The following XPO1 variants were observed in gnomAD, a reference collection of about 807,000 sequenced individuals.
XPO1 encodes the protein exportin 1.
In XPO1, 5 loss-of-function variants were observed where a neutral mutation model predicts 133.3. That is an observed-to-expected ratio of 0.04 (90% CI 0.02 to 0.08). The LOEUF is 0.08. XPO1 is among the 10% of genes least tolerant of loss of function. The probability of loss-of-function intolerance (pLI) is 1.00; values close to 1 mark genes in which losing one functional copy is unlikely to be tolerated. For synonymous variants in XPO1, 419 were observed against 408.2 expected, an observed-to-expected ratio of 1.03 and a Z score of -0.32; for missense variants, 506 against 1,267.5, an observed-to-expected ratio of 0.40 and a Z score of 9.12.
chr2:61,482,915 G>T, intron 22 of XPO1, 42 bp downstream of exon 22: 6 of 1,610,866 alleles, frequency 3.7e-6, no homozygotes, highest in South Asian at 1.1e-5. Flanking sequence ...GAGGCCCTGT[G>T]CCCAGCTGGC....
intron 4 of XPO1, among the ~76,000 whole-genome samples, chr2:61,522,402 C>T (rs1403276960): frequency 6.6e-6 from 1 of 152,078 alleles, no homozygotes; most frequent in African/African-American, 2.4e-5. Context: ...TTCAACAGTC[C>T]AGTCTCCTCT....
At chr2:61,513,902 C>G (rs759657411) in intron 4 of XPO1, among the ~76,000 whole-genome samples, 1 of 151,998 alleles carries the variant, frequency 6.6e-6, no homozygotes, top group Non-Finnish European at 1.5e-5. Context: ...GCAAAATTGG[C>G]GGGGCATGGT....
chr2:61,496,763 A>G, intron 10 of XPO1, 116 bp downstream of exon 10: 2 of 1,201,480 alleles, frequency 1.7e-6, no homozygotes, highest in Non-Finnish European at 2.2e-6. Flanking sequence ...TTTATGTAAT[A>G]AACAAAAGAT....
chr2:61,516,450 T>C (rs917254812), intron 4 of XPO1, among the ~76,000 whole-genome samples: 7 of 152,092 alleles, frequency 4.6e-5, no homozygotes, highest in Non-Finnish European at 1.0e-4. Context: ...GTTTCGCTCT[T>C]GGTGCCCAGG....
In XPO1 at chr2:61,538,168, C is replaced by G. The variant is rs926564967; in HGVS notation, c.-613G>C. 4.6e-6 allele frequency: 1 copy of G among 218,334 alleles called. No individual in the cohort carries two copies. The highest frequency in any genetic ancestry group is 5.9e-5 in the Admixed American group (1 of 16,940). The allele number at this position is 218,334 out of a possible 1,614,324, so 13.5% of individuals were successfully genotyped here. A position where few individuals can be genotyped will look rare whatever the true frequency, so the allele number is the denominator to read the frequency against. On this transcript the variant is annotated 5_prime_UTR_variant, in exon 1 of 25. Transcript: ENST00000401558. ...CAGCAAAGACTGGAACAGGCACCGC[C>G]GCCGGGGCTGTAGCTACTGTTGCTC...
At chr2:61,533,328 G>C (rs1361463050) in intron 2 of XPO1, among the ~76,000 whole-genome samples, 1 of 152,156 alleles carries the variant, frequency 6.6e-6, no homozygotes, top group African/African-American at 2.4e-5. Context: ...TTATGTTTAA[G>C]ATAATTCCCT....
chr2:61,490,842 G>C, intron 16 of XPO1, 66 bp from the exon 17 acceptor site: 1 of 1,566,774 alleles, frequency 6.4e-7, no homozygotes, highest in Non-Finnish European at 8.6e-7. Flanking sequence ...CCACACACAA[G>C]CAATTCACAA....
chr2:61,502,464 T>A, intron 4 of XPO1, 154 bp from the exon 5 acceptor site: 1 of 730,900 alleles, frequency 1.4e-6, no homozygotes, highest in Non-Finnish European at 2.1e-6. Flanking sequence ...TTTAAAAAAA[T>A]TCCGGCCCGG....
intron 2 of XPO1, among the ~76,000 whole-genome samples, chr2:61,528,899 A>C (rs1271805506): frequency 6.6e-6 from 1 of 151,960 alleles, no homozygotes; most frequent in Non-Finnish European, 1.5e-5. Context: ...AGGTTGTTTT[A>C]TAACTCAATT....
chr2:61,488,300 T>G, intron 18 of XPO1, 29 bp from the exon 19 acceptor site: 1 of 1,593,568 alleles, frequency 6.3e-7, no homozygotes, highest in Non-Finnish European at 8.6e-7. Context: ...TGGAATCTAA[T>G]TTTACCACTA....
intron 16 of XPO1, among the ~76,000 whole-genome samples, chr2:61,491,496 A>ACACACACACACCCC (rs1491477036): frequency 1.4e-5 from 2 of 147,250 alleles, no homozygotes; most frequent in African/African-American, 5.1e-5. Context: ...ACACACACAC[A>ACACACACACACCCC]CCCCAAAACA....
chr2:61,494,037 T>C lies in XPO1; in HGVS notation c.1102A>G (p.Ile368Val). 6.2e-7 allele frequency: 1 copy of C among 1,614,054 alleles called. No individual in the cohort carries two copies. The highest frequency in any genetic ancestry group is 8.5e-7 in the Non-Finnish European group (1 of 1,179,992). ...AAATGATTCCAGTATTCAAGACAAATTTTAAAGATTTCAGTTTCTTCTACT... is the reference window on the plus strand; with the variant it reads ...AAATGATTCCAGTATTCAAGACAAACTTTAAAGATTTCAGTTTCTTCTACT... ...SEVEETEIFKICLEYWNHLAA... is the reference protein window; with the variant it reads ...SEVEETEIFKVCLEYWNHLAA... Residue 368 changes from isoleucine to valine, a missense_variant, in exon 12 of 25, where the codon ATT becomes GTT. This residue lies in a region of XPO1 where 134 missense variants were observed against 261.6 expected (regional missense o/e 0.51). Transcript: ENST00000401558.
chr2:61,512,225 G>C (rs1573182175), intron 4 of XPO1, among the ~76,000 whole-genome samples: 1 of 152,120 alleles, frequency 6.6e-6, no homozygotes. Flanking sequence ...TTAGATGCAA[G>C]GACTTAAGTC....
chr2:61,537,436 G>A (rs1343323309), intron 1 of XPO1, 126 bp downstream of exon 1: 1 of 147,608 alleles, frequency 6.8e-6, no homozygotes, highest in Admixed American at 6.8e-5. Flanking sequence ...CCGCGCCCCC[G>A]GCCCGCCCGC....
chr2:61,506,430 A>G (rs1014721876), intron 4 of XPO1, among the ~76,000 whole-genome samples: 3 of 151,760 alleles, frequency 2.0e-5, no homozygotes, highest in Non-Finnish European at 2.9e-5. Flanking sequence ...CTCAAAAACA[A>G]CAACAAAAAA....
intron 2 of XPO1, among the ~76,000 whole-genome samples, chr2:61,531,742 T>C (rs903698392): frequency 1.3e-5 from 2 of 152,210 alleles, no homozygotes; most frequent in African/African-American, 4.8e-5. Context: ...TATGCATCCA[T>C]GCTAGAAGAA....
At chr2:61,503,930 A>G (rs1697670378) in intron 4 of XPO1, among the ~76,000 whole-genome samples, 1 of 152,210 alleles carries the variant, frequency 6.6e-6, no homozygotes, top group South Asian at 2.1e-4. Flanking sequence ...CTGTAATCCC[A>G]GCACTTTGGA....
chr2:61,493,170 G>A, intron 12 of XPO1, 117 bp from the exon 13 acceptor site: 1 of 1,040,380 alleles, frequency 9.6e-7, no homozygotes. Flanking sequence ...CCATGTGTAG[G>A]GATTCATGCC....
chr2:61,479,505 T>C (rs1052625111), intron 24 of XPO1, among the ~76,000 whole-genome samples: 3 of 152,170 alleles, frequency 2.0e-5, no homozygotes, highest in Non-Finnish European at 4.4e-5. Context: ...TAGTCTTCAA[T>C]GTGATTATTA....
Sources: allele counts gnomAD v4.1 joint callset (sites outside exome capture counted in the v4.1 genomes callset), GRCh38; gene constraint gnomAD v4.1.1; regional missense constraint gnomAD v4.1.1; transcripts MANE v1.5; gene names NCBI Gene and HGNC (gene_info 2026-07-23, HGNC 2026-07-21).